The following TSNARE1 variants were observed in gnomAD, a reference collection of about 807,000 sequenced individuals.
TSNARE1 encodes the protein t-SNARE domain-containing protein 1.
A neutral mutation model predicts 62.0 loss-of-function variants in TSNARE1; 49 were observed. The ratio of observed to expected loss-of-function variants is 0.79; its 90% CI spans 0.63 to 1.00. The LOEUF (loss-of-function observed/expected upper bound fraction) is 1.00, where lower values mean the gene tolerates loss of function less well. TSNARE1 is among the 50% of genes least tolerant of loss of function. The pLI, the probability that TSNARE1 is intolerant of heterozygous loss-of-function variation, is 0.00. For missense variants in TSNARE1, 755 were observed against 700.1 expected (o/e 1.08, Z -0.88); for synonymous variants, 328 against 294.4 (o/e 1.11, Z -1.17).
At chr8:142,278,559 G>GGAGAGGAGGTGCGGT (rs1403998561) in intron 11 of TSNARE1, 35 of 985,364 alleles carry the variant, frequency 3.6e-5, no homozygotes, top group Non-Finnish European at 1.8e-5. Context: ...GTCTTGAGGA[G>GGAGAGGAGGTGCGGT]GAGAGGAGGT....
intron 12 of TSNARE1, among the ~76,000 whole-genome samples, chr8:142,262,152 CCTT>C (rs778998471): frequency 2.6e-5 from 4 of 152,346 alleles, no homozygotes; most frequent in East Asian, 3.9e-4. Context: ...TCTACCTCGT[CCTT>C]CTTCTTCCAG....
chr8:142,349,479 C>T (rs1048453527), intron 2 of TSNARE1, among the ~76,000 whole-genome samples: 5 of 152,032 alleles, frequency 3.3e-5, no homozygotes, highest in African/African-American at 1.2e-4. Flanking sequence ...AAAATAGCAT[C>T]AACTTAAAGA....
chr8:142,353,015 A>G (rs977258389), intron 2 of TSNARE1, among the ~76,000 whole-genome samples: 3 of 152,090 alleles, frequency 2.0e-5, no homozygotes, highest in African/African-American at 7.2e-5. Flanking sequence ...TGCCCTGCCT[A>G]AGGCCCTGCA....
At chr8:142,367,896 A>G (rs1835668571) in intron 1 of TSNARE1, among the ~76,000 whole-genome samples, 1 of 152,224 alleles carries the variant, frequency 6.6e-6, no homozygotes, top group Non-Finnish European at 1.5e-5. Context: ...TTGGAAAAAA[A>G]TTGGTTCATA....
At chr8:142,361,279 C>T (rs958108445) in intron 1 of TSNARE1, among the ~76,000 whole-genome samples, 3 of 152,250 alleles carry the variant, frequency 2.0e-5, no homozygotes, top group South Asian at 2.1e-4. Context: ...AAAGCGGCAT[C>T]GTGCTTGTCC....
At chr8:142,333,873 G>A (rs1182935420) in intron 4 of TSNARE1, among the ~76,000 whole-genome samples, 1 of 152,214 alleles carries the variant, frequency 6.6e-6, no homozygotes, top group Non-Finnish European at 1.5e-5. Context: ...CTGAGGGACG[G>A]CCCCCCATCA....
At chr8:142,379,689 C>T (rs980215887) in intron 1 of TSNARE1, among the ~76,000 whole-genome samples, 1 of 152,196 alleles carries the variant, frequency 6.6e-6, no homozygotes, top group African/African-American at 2.4e-5. Context: ...AGACGCAGCC[C>T]CCAGTGCTCC....
Position 142,344,247 on chromosome 8 carries a change from G to C in TSNARE1, c.464C>G (p.Ala155Gly). The C allele has an allele frequency of 1.9e-6, 3 of 1,611,338 alleles. No homozygotes were observed. The South Asian group carries it at 3.3e-5, about 18-fold the overall frequency. ...QLLFGTGLLK[A>G]EPTRRYRVWS... is the part of the protein sequence containing the mutation. ...CACGCGGTACCTGCGAGTGGGCTCG[G>C]CCTTCAGCAGCCCCGTGCCAAACAG... Residue 155 changes from alanine to glycine, a missense_variant, in exon 4 of 14, where the codon GCC (alanine) becomes GGC (glycine). By Grantham distance (60) the Ala-to-Gly change is moderately conservative. Coordinates refer to ENST00000524325, the MANE Select transcript of TSNARE1 (RefSeq NM_145003.5).
At chr8:142,217,317 A>AAGAAAGAAAGAAAGAAAGAG (rs1815901737) in intron 13 of TSNARE1, among the ~76,000 whole-genome samples, 5 of 37,536 alleles carry the variant, frequency 1.3e-4, no homozygotes, top group Non-Finnish European at 3.5e-4. Flanking sequence ...GAAAGAAAGA[A>AAGAAAGAAAGAAAGAAAGAG]AGAAAGAAAG....
At chr8:142,368,827 C>T (rs745812220) in intron 1 of TSNARE1, among the ~76,000 whole-genome samples, 19 of 152,148 alleles carry the variant, frequency 1.2e-4, no homozygotes, top group Non-Finnish European at 2.5e-4. Context: ...GTGCTGTGGC[C>T]CCAGGGCATT....
intron 1 of TSNARE1, among the ~76,000 whole-genome samples, chr8:142,363,214 A>G (rs1329838591): frequency 3.9e-5 from 6 of 152,186 alleles, no homozygotes; most frequent in African/African-American, 1.4e-4. Flanking sequence ...TGTGGCCCAG[A>G]GGAAGCAGCA....
At chr8:142,390,233 G>A (rs997708223) in intron 1 of TSNARE1, among the ~76,000 whole-genome samples, 1 of 152,178 alleles carries the variant, frequency 6.6e-6, no homozygotes, top group Non-Finnish European at 1.5e-5. Flanking sequence ...TACACTTTGG[G>A]GGACTTTATA....
chr8:142,388,684 A>G (rs1837279075), intron 1 of TSNARE1, among the ~76,000 whole-genome samples: 2 of 150,350 alleles, frequency 1.3e-5, no homozygotes, highest in Non-Finnish European at 2.9e-5. Context: ...CAGCCTCCTG[A>G]GTAGCTGGGA....
At chr8:142,300,789 C>G in intron 9 of TSNARE1, 145 bp from the exon 10 acceptor site, 1 of 1,002,818 alleles carries the variant, frequency 1.0e-6, no homozygotes, top group Non-Finnish European at 1.4e-6. Context: ...AGGCGGGGGC[C>G]TTCTGCGGCC....
chr8:142,359,236 C>T (rs1834976701), intron 1 of TSNARE1, among the ~76,000 whole-genome samples: 1 of 152,104 alleles, frequency 6.6e-6, no homozygotes, highest in Non-Finnish European at 1.5e-5. Context: ...CCTCAGAGCC[C>T]GATGCTTACC....
At chr8:142,334,437 G>C (rs952589443) in intron 4 of TSNARE1, among the ~76,000 whole-genome samples, 7 of 151,852 alleles carry the variant, frequency 4.6e-5, no homozygotes, top group African/African-American at 1.5e-4. Context: ...TTCACAGGTG[G>C]GCAGGTGACC....
At chr8:142,363,008 C>A (rs1197918792) in intron 1 of TSNARE1, among the ~76,000 whole-genome samples, 1 of 152,184 alleles carries the variant, frequency 6.6e-6, no homozygotes, top group Non-Finnish European at 1.5e-5. Flanking sequence ...CATCCTAACT[C>A]ATAGACATCT....
intron 12 of TSNARE1, chr8:142,272,754 A>G: frequency 6.2e-6 from 6 of 974,314 alleles, no homozygotes; most frequent in Non-Finnish European, 6.1e-6. Flanking sequence ...TAGGAGCAGG[A>G]CATTCTACGC....
chr8:142,245,228 T>C (rs1201088315), intron 12 of TSNARE1, among the ~76,000 whole-genome samples: 1 of 152,136 alleles, frequency 6.6e-6, no homozygotes, highest in Non-Finnish European at 1.5e-5. Context: ...CTACTGCTGG[T>C]GAAAATGCAA....
Sources: allele counts gnomAD v4.1 joint callset (sites outside exome capture counted in the v4.1 genomes callset), GRCh38; gene constraint gnomAD v4.1.1; transcripts MANE v1.5; gene names NCBI Gene and HGNC (gene_info 2026-07-23, HGNC 2026-07-21).